Variants in NWD2 observed in about 807,000 individuals in gnomAD.
NWD2 encodes the protein NACHT and WD repeat domain containing 2, also known as NACHT and WD repeat domain-containing protein 2.
In NWD2, 37 loss-of-function variants were observed where a neutral mutation model predicts 132.7. The ratio of observed to expected loss-of-function variants is 0.28; its 90% CI spans 0.21 to 0.37. The LOEUF (loss-of-function observed/expected upper bound fraction) is 0.37. Among genes scored for constraint, NWD2 ranks in the 10% least tolerant of loss-of-function variants. The probability of loss-of-function intolerance (pLI) is 1.00; values close to 1 mark genes in which losing one functional copy is unlikely to be tolerated. For synonymous variants in NWD2, 705 were observed against 803.0 expected (o/e 0.88, Z 2.06); for missense variants, 1,592 against 2,122.4 (o/e 0.75, Z 4.91).
chr4:37,319,813 A>G (rs533153883), intron 1 of NWD2, among the ~76,000 whole-genome samples: 1 of 152,114 alleles, frequency 6.6e-6, no homozygotes, highest in East Asian at 1.9e-4. Flanking sequence ...TGCATTCTCT[A>G]TTATGTTACG....
In NWD2 at chr4:37,244,865, G is replaced by C; in HGVS notation, c.-203G>C. The C allele has an allele frequency of 9.9e-6, 6 of 605,022 alleles. No homozygotes were observed. The highest frequency in any genetic ancestry group is 1.7e-5 in the Non-Finnish European group (6 of 362,134). The allele number at this position is 605,022 out of a possible 1,614,324, so 37.5% of individuals were successfully genotyped here. A position where few individuals can be genotyped will look rare whatever the true frequency, so the allele number is the denominator to read the frequency against. Reference sequence around the variant, plus strand: ...AGGGCAGGAGACCGCCGCGACAGGAGCCCGAGGGTCCGTATGGCTTCTCCT... The same window carrying C: ...AGGGCAGGAGACCGCCGCGACAGGACCCCGAGGGTCCGTATGGCTTCTCCT... On this transcript the variant is annotated 5_prime_UTR_variant, in exon 1 of 7. Coordinates refer to ENST00000309447, the MANE Select transcript of NWD2 (RefSeq NM_001144990.2). This position sits in a 1 kb window ranked among gnomAD's most constrained non-coding sequence, Gnocchi z 5.5.
At position 37,433,972 on chromosome 4, in the gene NWD2, G is replaced by A. The variant is rs750741269; in HGVS notation, c.658G>A (p.Glu220Lys). The change falls in exon 5 of 7, where the codon GAA becomes AAA. Residue 220 changes from glutamate to lysine, a missense_variant. Physicochemically the swap from Glu to Lys is moderately conservative, Grantham distance 56. Transcript: ENST00000309447. The part of the protein sequence containing the change: ...IFKAAVKLLH[E>K]KGKMKHSQAK... ...TAAGGCTGCTGTAAAGCTGTTACAC[G>A]AAAAGGGTAAAATGAAACACAGCCA... The A allele has an allele frequency of 3.2e-5, 50 of 1,550,646 alleles. No homozygotes were observed. Among genetic ancestry groups the A allele is most frequent in the East Asian group, 3.2e-4 (13 of 40,906 alleles).
intron 3 of NWD2, among the ~76,000 whole-genome samples, chr4:37,413,517 T>C (rs1721204054): frequency 6.6e-6 from 1 of 152,202 alleles, no homozygotes. Flanking sequence ...TTTTACACTA[T>C]TGGTGAGAGT....
At chr4:37,304,617 C>T (rs776679990) in intron 1 of NWD2, among the ~76,000 whole-genome samples, 10 of 152,150 alleles carry the variant, frequency 6.6e-5, no homozygotes, top group East Asian at 3.8e-4. Context: ...CAAAACAAAG[C>T]GGCTACAGGC....
chr4:37,326,689 A>G (rs751026376), intron 2 of NWD2, among the ~76,000 whole-genome samples: 104 of 152,226 alleles, frequency 6.8e-4, no homozygotes, highest in Non-Finnish European at 3.5e-4. Context: ...CTCCTGCAAC[A>G]GATAACATTA....
At chr4:37,388,689 CAT>C (rs1349015985) in intron 3 of NWD2, among the ~76,000 whole-genome samples, 1 of 145,598 alleles carries the variant, frequency 6.9e-6, no homozygotes, top group East Asian at 2.0e-4. Flanking sequence ...TCGTATATAT[CAT>C]ATATAAATAT....
rs535810289 is a variant in NWD2 at position 37,292,817 on chromosome 4, C to G, written c.152-33119C>G. On this transcript the variant is annotated intron_variant, in intron 1 of 6. Transcript: ENST00000309447. ...TGTGCATCCCGGATCCCGCACACGC[C>G]CAGTTCACCATAGGGTTCGCACTTC... 2.6e-4 allele frequency among the ~76,000 whole-genome samples: 40 copies of G among 152,094 alleles called. 1 individual carries two copies. The East Asian group carries it at 7.2e-3, about 27-fold the overall frequency.
At chr4:37,349,468 CATAA>C (rs760939287) in intron 2 of NWD2, among the ~76,000 whole-genome samples, 3 of 152,288 alleles carry the variant, frequency 2.0e-5, no homozygotes, top group Non-Finnish European at 2.9e-5. Flanking sequence ...TTGTGGGCTG[CATAA>C]ATGTCTTCTT....
At chr4:37,247,803 T>C (rs1012488992) in intron 1 of NWD2, among the ~76,000 whole-genome samples, 2 of 151,750 alleles carry the variant, frequency 1.3e-5, no homozygotes, top group African/African-American at 4.8e-5. Context: ...AGCAACGGGG[T>C]TTCGTCATGT....
In NWD2 at chr4:37,334,055, G is replaced by A. The variant is rs562016020; in HGVS notation, c.240+8031G>A. On this transcript the variant is annotated intron_variant, in intron 2 of 6. Transcript: ENST00000309447. The stretch of plus-strand genomic sequence containing the variant: ...AGAATAAAGAATGAAGCATGCCTAC[G>A]AGAGCTAGAAAATAGCCTCAAAAGG... Among the ~76,000 whole-genome samples the A allele has an allele frequency of 2.1e-4, 32 of 152,108 alleles. 1 individual carries two copies. The South Asian group carries it at 4.2e-3, about 20-fold the overall frequency.
intron 5 of NWD2, among the ~76,000 whole-genome samples, chr4:37,435,579 G>GA (rs1387839383): frequency 6.6e-6 from 1 of 151,986 alleles, no homozygotes; most frequent in African/African-American, 2.4e-5. Context: ...AGCTGTCTTA[G>GA]AAAAAAGTAC....
intron 1 of NWD2, among the ~76,000 whole-genome samples, chr4:37,270,387 G>GA (rs1033911385): frequency 3.3e-5 from 5 of 151,496 alleles, no homozygotes; most frequent in Admixed American, 6.6e-5. Context: ...TTCTCTATTC[G>GA]AAAAAAGCAT....
At chr4:37,278,476 T>G (rs2109267021) in intron 1 of NWD2, among the ~76,000 whole-genome samples, 1 of 152,328 alleles carries the variant, frequency 6.6e-6, no homozygotes, top group South Asian at 2.1e-4. Context: ...GGTGGAACCT[T>G]CATATCAACC....
At chr4:37,386,154 T>C (rs2109310064) in intron 3 of NWD2, among the ~76,000 whole-genome samples, 1 of 152,226 alleles carries the variant, frequency 6.6e-6, no homozygotes, top group East Asian at 1.9e-4. Flanking sequence ...ATACTGAGTT[T>C]TGTTATTTCT....
In NWD2 at chr4:37,439,520, C is replaced by A. The variant is rs1712424330; in HGVS notation, c.1296+130C>A. 1.6e-6 allele frequency: 1 copy of A among 606,800 alleles called. No homozygotes were observed. The highest frequency in any genetic ancestry group is 1.8e-5 in the African/African-American group (1 of 54,128). The allele number at this position is 606,800 out of a possible 1,614,324, so 37.6% of individuals were successfully genotyped here. A position where few individuals can be genotyped will look rare whatever the true frequency, so the allele number is the denominator to read the frequency against. ...ATAGTTGGTCTTTTAGGAGTGAATA[C>A]TGCAGTGCTTCTTTTTTGCTGGTAT... On this transcript the variant is annotated intron_variant, in intron 6 of 6. Transcript: ENST00000309447. This position sits in a 1 kb window ranked among gnomAD's most constrained non-coding sequence, Gnocchi z 4.5.
At chr4:37,255,218 A>G (rs1717491046) in intron 1 of NWD2, among the ~76,000 whole-genome samples, 1 of 152,240 alleles carries the variant, frequency 6.6e-6, no homozygotes, top group African/African-American at 2.4e-5. Flanking sequence ...CCGTTGTGAA[A>G]GGGATGTTTA....
intron 3 of NWD2, among the ~76,000 whole-genome samples, chr4:37,394,809 T>G (rs112880354): frequency 7.0e-4 from 46 of 66,124 alleles, no homozygotes; most frequent in Non-Finnish European, 9.9e-4. Context: ...GTTTTTTTTT[T>G]TTTTTTTTTT....
intron 2 of NWD2, among the ~76,000 whole-genome samples, chr4:37,352,278 T>G (rs1488025679): frequency 6.6e-6 from 1 of 152,190 alleles, no homozygotes; most frequent in African/African-American, 2.4e-5. Flanking sequence ...GACAGAGGGA[T>G]ATTAAAGACT....
At chr4:37,269,667 A>T (rs2109262708) in intron 1 of NWD2, among the ~76,000 whole-genome samples, 1 of 152,044 alleles carries the variant, frequency 6.6e-6, no homozygotes, top group Non-Finnish European at 1.5e-5. Context: ...GTGTATCAGT[A>T]GTTCATTCTT....
Sources: gnomAD v4.1 joint callset for allele counts (sites outside exome capture counted in the v4.1 genomes callset) on GRCh38, gnomAD v4.1.1 for gene constraint, Gnocchi (gnomAD v3.1) non-coding constraint, MANE v1.5 for transcripts, NCBI Gene and HGNC (gene_info 2026-07-23, HGNC 2026-07-21) for gene names.